The following KIAA1217 variants were observed in gnomAD, a reference collection of about 807,000 sequenced individuals.
KIAA1217 encodes sickle tail protein homolog.
In KIAA1217, 88 loss-of-function variants were observed where a neutral mutation model predicts 163.9. The ratio of observed to expected loss-of-function variants is 0.54; its 90% CI spans 0.45 to 0.64. The LOEUF (loss-of-function observed/expected upper bound fraction) is 0.64, where lower values mean the gene tolerates loss of function less well. KIAA1217 is among the 30% of genes least tolerant of loss of function. KIAA1217 has a pLI of 0.00. For missense variants in KIAA1217, 2,372 were observed against 2,475.0 expected (o/e 0.96, Z 0.88); for synonymous variants, 903 against 923.1 (o/e 0.98, Z 0.39).
At chr10:24,049,030 C>CAAAAAAA (rs59235039) in intron 2 of KIAA1217, among the ~76,000 whole-genome samples, 2 of 86,190 alleles carry the variant, frequency 2.3e-5, no homozygotes, top group Non-Finnish European at 4.4e-5. Flanking sequence ...TACTCTGTCT[C>CAAAAAAA]AAAAAAAAAA....
chr10:23,965,771 G>A (rs1275845776), intron 1 of KIAA1217, among the ~76,000 whole-genome samples: 1 of 152,128 alleles, frequency 6.6e-6, no homozygotes, highest in Non-Finnish European at 1.5e-5. Flanking sequence ...GTTATATAGG[G>A]CCCAGTTTCT....
At chr10:23,957,528 C>T (rs1844619152) in intron 1 of KIAA1217, among the ~76,000 whole-genome samples, 1 of 152,158 alleles carries the variant, frequency 6.6e-6, no homozygotes, top group Non-Finnish European at 1.5e-5. Context: ...TCAAGACCAG[C>T]CTGACCACCA....
At chr10:24,416,571 T>C (rs1019135920) in intron 3 of KIAA1217, among the ~76,000 whole-genome samples, 27 of 152,204 alleles carry the variant, frequency 1.8e-4, no homozygotes, top group Non-Finnish European at 4.0e-4. Context: ...TAACAAACTA[T>C]TAGATAAAAT....
At chr10:23,818,082 T>C (rs28631349) in intron 1 of KIAA1217, among the ~76,000 whole-genome samples, 4 of 123,606 alleles carry the variant, frequency 3.2e-5, no homozygotes, top group Admixed American at 8.4e-5. Flanking sequence ...CACACACACA[T>C]ATAGATATAC....
chr10:24,310,652 G>C (rs1180189667), intron 2 of KIAA1217, among the ~76,000 whole-genome samples: 3 of 152,174 alleles, frequency 2.0e-5, no homozygotes, highest in African/African-American at 7.2e-5. Flanking sequence ...CAGGGACCTT[G>C]CTCCAGGTGT....
chr10:23,853,024 G>T (rs1479708729), intron 1 of KIAA1217, among the ~76,000 whole-genome samples: 1 of 152,076 alleles, frequency 6.6e-6, no homozygotes, highest in Non-Finnish European at 1.5e-5. Flanking sequence ...CTGCCTAATT[G>T]CCCCGGCCAG....
At chr10:23,761,639 T>C (rs1834264226) in intron 1 of KIAA1217, among the ~76,000 whole-genome samples, 1 of 152,206 alleles carries the variant, frequency 6.6e-6, no homozygotes. Flanking sequence ...TGATTTCACT[T>C]CTTTTGCATT....
intron 1 of KIAA1217, among the ~76,000 whole-genome samples, chr10:23,769,523 G>T (rs1157537915): frequency 6.6e-6 from 1 of 152,196 alleles, no homozygotes; most frequent in African/African-American, 2.4e-5. Context: ...AAGCGGGTTT[G>T]TTTTGGGAAA....
At chr10:23,733,150 A>T (rs1838570494) in intron 1 of KIAA1217, among the ~76,000 whole-genome samples, 1 of 151,926 alleles carries the variant, frequency 6.6e-6, no homozygotes, top group Non-Finnish European at 1.5e-5. Flanking sequence ...AGTAGCTGGG[A>T]CTACAGATGC....
rs1236791248 is a variant in KIAA1217 at position 24,485,544 on chromosome 10, C to T, written c.1680-8956C>T. 5.9e-5 allele frequency among the ~76,000 whole-genome samples: 9 copies of T among 152,316 alleles called. No individual in the cohort carries two copies. The East Asian group carries it at 1.5e-3, about 26-fold the overall frequency. On this transcript the variant is annotated intron_variant, in intron 6 of 20. Coordinates refer to ENST00000376454, the MANE Select transcript of KIAA1217 (RefSeq NM_019590.5). ...CCATGACACTTGAAGTTGCAACACT[C>T]CCCCGCAGTCTCCCGTGCCCCAGAT...
chr10:24,459,553 A>G (rs1211587624), intron 5 of KIAA1217, among the ~76,000 whole-genome samples: 4 of 152,128 alleles, frequency 2.6e-5, no homozygotes, highest in Non-Finnish European at 5.9e-5. Context: ...CTCTGTAAAT[A>G]TATGGACCCA....
At chr10:24,410,238 C>T (rs898315201) in intron 3 of KIAA1217, among the ~76,000 whole-genome samples, 8 of 151,996 alleles carry the variant, frequency 5.3e-5, no homozygotes, top group South Asian at 2.1e-4. Flanking sequence ...TCAGGCAATC[C>T]GCCCGCCTTG....
At chr10:24,153,490 A>C (rs917640795) in intron 2 of KIAA1217, among the ~76,000 whole-genome samples, 2 of 152,230 alleles carry the variant, frequency 1.3e-5, no homozygotes, top group Admixed American at 6.5e-5. Context: ...TTAAGAAGGT[A>C]CCTTGTGTAA....
In KIAA1217 at chr10:24,521,882, C is replaced by T; in HGVS notation, c.2409C>T (p.Leu803=). The change falls in exon 12 of 21, where the codon CTC becomes CTT. Residue 803 remains leucine (L), a synonymous_variant. Transcript: ENST00000376454. The stretch of plus-strand genomic sequence containing the variant: ...AGGAGCCACACAAGCTGGACAGTCT[C>T]CTGAAGCGTGTGCGCAGCATGACAG... The part of the protein sequence containing the change: ...LKEEPHKLDS[L]LKRVRSMTDV... The T allele has an allele frequency of 6.2e-7, 1 of 1,613,666 alleles. No individual in the cohort carries two copies. Among genetic ancestry groups the T allele is most frequent in the Non-Finnish European group, 8.5e-7 (1 of 1,180,018 alleles).
rs547821468 is a variant in KIAA1217, at chr10:24,388,964, A to C, written c.553+7897A>C. ...ACTTTTACACTGTTGGTGGGACTGT[A>C]AACTAGTTCAACCATTGTGGAAGAC... is the stretch of plus-strand genomic sequence containing the variant. On this transcript the variant is annotated intron_variant, in intron 3 of 20. Coordinates refer to ENST00000376454, the MANE Select transcript of KIAA1217 (RefSeq NM_019590.5). Among the ~76,000 whole-genome samples, 22 of 151,748 alleles carry C rather than the reference A, an allele frequency of 1.4e-4. No homozygotes were observed. In the East Asian group the frequency reaches 2.9e-3, roughly 20 times the overall value.
chr10:24,193,763 AT>A lies in KIAA1217; in HGVS notation c.-170-25852del, dbSNP rs201912518. On this transcript the variant is annotated intron_variant, in intron 2 of 18. Transcript: ENST00000376462. ...TTAGAGCAGATCACAGTACTCAAGG[AT>A]TTTTTTTTTTGTATGAACTCCATCT... is the stretch of plus-strand genomic sequence containing the variant. Among the ~76,000 whole-genome samples, 653 of 143,840 alleles carry A rather than the reference AT, an allele frequency of 4.5e-3. 3 individuals carry two copies. The highest frequency in any genetic ancestry group is 0.013 in the African/African-American group (507 of 39,530). 94.4% of individuals were successfully genotyped at this position (143,840 alleles called of 152,430 possible).
At chr10:24,219,984 T>C in intron 2 of KIAA1217, 75 bp downstream of exon 2, 1 of 1,437,244 alleles carries the variant, frequency 7.0e-7, no homozygotes, top group South Asian at 1.4e-5. Flanking sequence ...CTTACTTTCT[T>C]TGTAAAAGGT....
chr10:23,907,653 G>A (rs1437785954), intron 1 of KIAA1217, among the ~76,000 whole-genome samples: 1 of 152,032 alleles, frequency 6.6e-6, no homozygotes, highest in Non-Finnish European at 1.5e-5. Context: ...TTCTATTTGG[G>A]CCCTCCACGG....
intron 3 of KIAA1217, among the ~76,000 whole-genome samples, chr10:24,395,811 T>C (rs7097102): frequency 0.53 from 79,867 of 151,764 alleles, 23,721 homozygotes; most frequent in African/African-American, 0.82. Context: ...GCTGGGACTA[T>C]AGGTGTGTAC....
Sources: gnomAD v4.1 joint callset for allele counts (sites outside exome capture counted in the v4.1 genomes callset) on GRCh38, gnomAD v4.1.1 for gene constraint, MANE v1.5 for transcripts, NCBI Gene and HGNC (gene_info 2026-07-23, HGNC 2026-07-21) for gene names.